The following ANKRD40 variants were observed in gnomAD, a reference collection of about 807,000 sequenced individuals.
The protein encoded by ANKRD40 is ankyrin repeat domain 40.
ANKRD40 carries 24 observed loss-of-function variants against 35.5 expected under a neutral mutation model. That is an observed-to-expected ratio of 0.68 (90% confidence interval 0.49 to 0.95). The LOEUF (loss-of-function observed/expected upper bound fraction) is 0.95, where lower values mean the gene tolerates loss of function less well. ANKRD40 is among the 40% of genes least tolerant of loss of function. The pLI, the probability that ANKRD40 is intolerant of heterozygous loss-of-function variation, is 0.00. For missense variants in ANKRD40, 361 were observed against 436.0 expected, an observed-to-expected ratio of 0.83 and a Z score of 1.53; for synonymous variants, 147 against 173.5, an observed-to-expected ratio of 0.85 and a Z score of 1.20.
chr17:50,696,850 T>C, intron 4 of ANKRD40, 90 bp downstream of exon 4: 1 of 1,211,480 alleles, frequency 8.3e-7, no homozygotes, highest in African/African-American at 1.5e-5. Context: ...TATTCTTTGT[T>C]TATTCCCTCA....
chr17:50,707,706 G>A lies in ANKRD40; in HGVS notation c.-52C>T, dbSNP rs1207285968. 1 of 1,244,566 alleles carries A rather than the reference G, an allele frequency of 8.0e-7. No homozygotes were observed. The highest frequency in any genetic ancestry group is 1.0e-6 in the Non-Finnish European group (1 of 992,722). The allele number at this position is 1,244,566 out of a possible 1,614,324, so 77.1% of individuals were successfully genotyped here. ...AGGCCCGCCTGCCCCGCCCCGCCCG[G>A]GGCCTGTCAGCGCCGCCGCCGTCGC... On this transcript the variant is annotated 5_prime_UTR_variant, in exon 1 of 5. Transcript: ENST00000285243. This position sits in a 1 kb window ranked among gnomAD's most constrained non-coding sequence, Gnocchi z 4.8.
intron 1 of ANKRD40, among the ~76,000 whole-genome samples, chr17:50,704,557 A>G (rs1056558242): frequency 6.7e-6 from 1 of 150,270 alleles, no homozygotes; most frequent in Non-Finnish European, 1.5e-5. Context: ...AAGCCTCTTC[A>G]GGCTACCTCA....
intron 2 of ANKRD40, among the ~76,000 whole-genome samples, chr17:50,700,117 A>C (rs1049325694): frequency 6.6e-6 from 1 of 152,210 alleles, no homozygotes; most frequent in Non-Finnish European, 1.5e-5. Context: ...AACAATCTGG[A>C]ATTACTATCT....
chr17:50,698,299 A>G lies in ANKRD40; in HGVS notation c.778+1100T>C, dbSNP rs763270728. 2.6e-5 allele frequency among the ~76,000 whole-genome samples: 4 copies of G among 152,218 alleles called. No homozygotes were observed. In the South Asian group the frequency reaches 6.2e-4, roughly 24 times the overall value. On this transcript the variant is annotated intron_variant, in intron 3 of 4. Coordinates refer to ENST00000285243, the MANE Select transcript of ANKRD40 (RefSeq NM_052855.4). ...AACAATGAAGACACATGCAAGGGAC[A>G]TAAGAACTAGCTTCAAGGGGCTCCC...
intron 1 of ANKRD40, among the ~76,000 whole-genome samples, chr17:50,704,707 G>A (rs1968310071): frequency 6.6e-6 from 1 of 152,078 alleles, no homozygotes; most frequent in African/African-American, 2.4e-5. Flanking sequence ...TGTGAAAAGT[G>A]AGGAAACAAC....
intron 1 of ANKRD40, among the ~76,000 whole-genome samples, chr17:50,701,840 T>C (rs1381012720): frequency 6.6e-6 from 1 of 152,216 alleles, no homozygotes; most frequent in Admixed American, 6.5e-5. Flanking sequence ...AGGAAAAAGC[T>C]GATTTGCCCT....
Position 50,699,424 on chromosome 17 carries a change from A to G in ANKRD40, c.753T>C (p.Thr251=). ...PAPAFQPFFF[T]GAFPFNMQEL... is the part of the protein sequence containing the mutation. ...CTTGCATATTAAATGGAAATGCTCC[A>G]GTGAAGAAAAATGGCTGGAATGCTG... Residue 251 remains threonine, a synonymous_variant, in exon 3 of 5, where the codon ACT becomes ACC. Coordinates refer to ENST00000285243, the MANE Select transcript of ANKRD40 (RefSeq NM_052855.4). 1.2e-6 allele frequency: 2 copies of G among 1,614,122 alleles called. No homozygotes were observed. Among genetic ancestry groups the G allele is most frequent in the South Asian group, 2.2e-5 (2 of 91,084 alleles).
At position 50,694,754 on chromosome 17, in the gene ANKRD40, AC is replaced by A. The variant is rs1207279546; in HGVS notation, c.*1242del. ...CAGAACAAAGTCTGGTAGACTCATA[AC>A]TGACTTTGTGAAGTGAATTGGTGGT... is the stretch of plus-strand genomic sequence containing the variant. On this transcript the variant is annotated 3_prime_UTR_variant, in exon 5 of 5. Transcript: ENST00000285243. The A allele has an allele frequency of 6.6e-6, 1 of 152,248 alleles. No homozygotes were observed. Among genetic ancestry groups the A allele is most frequent in the East Asian group, 1.9e-4 (1 of 5,206 alleles). The allele number at this position is 152,248 out of a possible 1,614,324, so 9.4% of individuals were successfully genotyped here. A position where few individuals can be genotyped will look rare whatever the true frequency, so the allele number is the denominator to read the frequency against.
intron 4 of ANKRD40, 33 bp from the exon 5 acceptor site, chr17:50,696,176 G>C (rs774062936): frequency 1.9e-6 from 3 of 1,602,812 alleles, no homozygotes; most frequent in Non-Finnish European, 2.6e-6. Context: ...AGATTAACAG[G>C]AGCCACTTGT....
Position 50,696,981 on chromosome 17 carries a change from C to T in ANKRD40, c.919G>A (p.Val307Met). The change falls in exon 4 of 5, where the codon GTG becomes ATG. Residue 307 changes from valine to methionine, a missense_variant. Val to Met is a conservative substitution (Grantham distance 21, BLOSUM62 1). Coordinates refer to ENST00000285243, the MANE Select transcript of ANKRD40 (RefSeq NM_052855.4). ...TTGGGTAACTTTCTGATCTTCTCCACTTGATCTGGATTAACACCCAGCTCA... is the reference window on the plus strand; with the variant it reads ...TTGGGTAACTTTCTGATCTTCTCCATTTGATCTGGATTAACACCCAGCTCA... ...CCELGVNPDQ[V>M]EKIRKLPNTL... 3.1e-6 allele frequency: 5 copies of T among 1,613,128 alleles called. No individual in the cohort carries two copies. The highest frequency in any genetic ancestry group is 2.5e-6 in the Non-Finnish European group (3 of 1,179,544).
chr17:50,707,701 G>C lies in ANKRD40; in HGVS notation c.-47C>G, dbSNP rs758956973. ...CGCCCAGGCCCGCCTGCCCCGCCCC[G>C]CCCGGGGCCTGTCAGCGCCGCCGCC... On this transcript the variant is annotated 5_prime_UTR_variant, in exon 1 of 5. Coordinates refer to ENST00000285243, the MANE Select transcript of ANKRD40 (RefSeq NM_052855.4). The surrounding 1 kb of genome is among the most constrained non-coding windows in gnomAD (Gnocchi z 4.8). 1 of 1,271,030 alleles carries C rather than the reference G, an allele frequency of 7.9e-7. No homozygotes were observed. The allele number at this position is 1,271,030 out of a possible 1,614,324, so 78.7% of individuals were successfully genotyped here.
At position 50,694,933 on chromosome 17, in the gene ANKRD40, T is replaced by G. The variant is rs951573144; in HGVS notation, c.*1064A>C. On this transcript the variant is annotated 3_prime_UTR_variant, in exon 5 of 5. Transcript: ENST00000285243. Reference sequence around the variant, plus strand: ...TTTAGCTCAGTTTCCCACAATAACCTTTAAAATAGCAACAGATTCAGTCTC... The same window carrying G: ...TTTAGCTCAGTTTCCCACAATAACCGTTAAAATAGCAACAGATTCAGTCTC... 6.6e-6 allele frequency: 1 copy of G among 152,190 alleles called. No homozygotes were observed. Among genetic ancestry groups the G allele is most frequent in the African/African-American group, 2.4e-5 (1 of 41,434 alleles). 9.4% of individuals were successfully genotyped at this position (152,190 alleles called of 1,614,324 possible).
In ANKRD40 at chr17:50,699,608, A is replaced by T. The variant is rs150864143; in HGVS notation, c.569T>A (p.Val190Glu). 33 of 1,614,080 alleles carry T rather than the reference A, an allele frequency of 2.0e-5. No homozygotes were observed. The African/African-American group carries it at 3.9e-4, about 19-fold the overall frequency. ...TCTGAGTATGGCAGAGGGGGCCGACACATCACCATTCTGAACTAGTGCCAA... is the reference window on the plus strand; with the variant it reads ...TCTGAGTATGGCAGAGGGGGCCGACTCATCACCATTCTGAACTAGTGCCAA... ...TSLALVQNGD[V>E]SAPSAILRTP... Residue 190 changes from valine to glutamate, a missense_variant, in exon 3 of 5, where the codon GTG becomes GAG. Val to Glu is a moderately radical substitution (Grantham distance 121). Transcript: ENST00000285243.
intron 1 of ANKRD40, among the ~76,000 whole-genome samples, chr17:50,704,237 G>A (rs1257688940): frequency 3.9e-5 from 6 of 152,024 alleles, no homozygotes; most frequent in South Asian, 2.1e-4. Flanking sequence ...ACAAGAGGCC[G>A]GGCGCGGTGG....
At chr17:50,705,220 T>C (rs1472235525) in intron 1 of ANKRD40, among the ~76,000 whole-genome samples, 3 of 150,870 alleles carry the variant, frequency 2.0e-5, no homozygotes, top group East Asian at 2.0e-4. Flanking sequence ...GGGCTCACAA[T>C]ACTCTTCTGG....
chr17:50,699,257 G>T, intron 3 of ANKRD40, 142 bp downstream of exon 3: 1 of 1,147,164 alleles, frequency 8.7e-7, no homozygotes. Flanking sequence ...AACAATTTGT[G>T]AATTTGAGTA....
chr17:50,693,825 C>T lies in ANKRD40; in HGVS notation c.*2172G>A, dbSNP rs1425589896. ...TACTACATCTAGTTAAATTCACTTCCGATTGGTTGAAACACAAGGGAGGGG... is the reference window on the plus strand; with the variant it reads ...TACTACATCTAGTTAAATTCACTTCTGATTGGTTGAAACACAAGGGAGGGG... On this transcript the variant is annotated 3_prime_UTR_variant, in exon 5 of 5. Transcript: ENST00000285243. 2 of 152,018 alleles carry T rather than the reference C, an allele frequency of 1.3e-5. No homozygotes were observed. The highest frequency in any genetic ancestry group is 6.6e-5 in the Admixed American group (1 of 15,252). 9.4% of individuals were successfully genotyped at this position (152,018 alleles called of 1,614,324 possible). A position where few individuals can be genotyped will look rare whatever the true frequency, so the allele number is the denominator to read the frequency against.
chr17:50,703,443 G>A (rs141504905), intron 1 of ANKRD40, among the ~76,000 whole-genome samples: 15 of 152,308 alleles, frequency 9.8e-5, no homozygotes, highest in African/African-American at 3.4e-4. Flanking sequence ...AGCAGGGAAA[G>A]GCATTAGGGA....
intron 1 of ANKRD40, 24 bp from the exon 2 acceptor site, chr17:50,700,740 G>A (rs1192595086): frequency 1.3e-6 from 2 of 1,587,440 alleles, no homozygotes; most frequent in African/African-American, 1.4e-5. Flanking sequence ...AATAATGATT[G>A]AAAAAGAGGA....
Sources: allele counts gnomAD v4.1 joint callset (sites outside exome capture counted in the v4.1 genomes callset), GRCh38; gene constraint gnomAD v4.1.1; non-coding constraint Gnocchi (gnomAD v3.1); transcripts MANE v1.5; gene names NCBI Gene and HGNC (gene_info 2026-07-23, HGNC 2026-07-21).